The following PRKD1 variants were observed in gnomAD, a reference collection of about 807,000 sequenced individuals.
PRKD1 encodes the protein protein kinase D1.
PRKD1 carries 63 observed loss-of-function variants against 95.9 expected under a neutral mutation model. That is an observed-to-expected ratio of 0.66 (90% CI 0.54 to 0.81). PRKD1 has a LOEUF of 0.81. PRKD1 is among the 30% of genes least tolerant of loss of function. PRKD1 has a pLI of 0.00. For missense variants in PRKD1, 1,048 were observed against 1,165.3 expected (o/e 0.90, Z 1.47); for synonymous variants, 425 against 423.1 (o/e 1.00, Z -0.05).
At chr14:29,911,025 A>C (rs1255357472) in intron 1 of PRKD1, among the ~76,000 whole-genome samples, 2 of 152,218 alleles carry the variant, frequency 1.3e-5, no homozygotes, top group African/African-American at 2.4e-5. Context: ...TAAGAGAATC[A>C]AAACCATAAT....
chr14:29,652,919 C>T (rs993180469), intron 4 of PRKD1: 1 of 152,154 alleles, frequency 6.6e-6, no homozygotes, highest in Non-Finnish European at 1.5e-5. Context: ...AAAGAAACTA[C>T]TTTGACTATT....
At chr14:29,828,525 T>C (rs1350901303) in intron 1 of PRKD1, among the ~76,000 whole-genome samples, 1 of 152,050 alleles carries the variant, frequency 6.6e-6, no homozygotes, top group Non-Finnish European at 1.5e-5. Flanking sequence ...CCAAACCATA[T>C]CAATATTCTA....
intron 2 of PRKD1, among the ~76,000 whole-genome samples, chr14:29,680,104 G>C (rs569062280): frequency 6.6e-6 from 1 of 152,256 alleles, no homozygotes; most frequent in African/African-American, 2.4e-5. Flanking sequence ...GACAACTTTA[G>C]TATTTCAAGT....
At chr14:29,889,656 G>GC (rs1256304493) in intron 1 of PRKD1, among the ~76,000 whole-genome samples, 2 of 152,170 alleles carry the variant, frequency 1.3e-5, no homozygotes, top group Non-Finnish European at 2.9e-5. Flanking sequence ...ACCAAACACT[G>GC]CATGTTCTCA....
chr14:29,644,434 C>G (rs1045721525), intron 4 of PRKD1, among the ~76,000 whole-genome samples: 2 of 152,164 alleles, frequency 1.3e-5, no homozygotes, highest in African/African-American at 4.8e-5. Context: ...TTGGAGAGGA[C>G]AGCGTCACTG....
At chr14:29,662,092 T>G (rs1594405932) in intron 4 of PRKD1, among the ~76,000 whole-genome samples, 1 of 152,292 alleles carries the variant, frequency 6.6e-6, no homozygotes, top group East Asian at 1.9e-4. Context: ...TTGCTTTAAG[T>G]TGGTTTAAAA....
intron 2 of PRKD1, among the ~76,000 whole-genome samples, chr14:29,690,668 C>G (rs1884177793): frequency 6.6e-6 from 1 of 152,172 alleles, no homozygotes; most frequent in African/African-American, 2.4e-5. Flanking sequence ...CGGCATGACC[C>G]TTTATGTAAT....
intron 13 of PRKD1, among the ~76,000 whole-genome samples, chr14:29,600,694 C>A (rs1040085167): frequency 2.6e-5 from 4 of 152,084 alleles, no homozygotes; most frequent in Non-Finnish European, 5.9e-5. Context: ...AAATCCCATG[C>A]GGATACCAAG....
intron 1 of PRKD1, among the ~76,000 whole-genome samples, chr14:29,862,925 T>C (rs893716243): frequency 1.3e-5 from 2 of 152,182 alleles, no homozygotes; most frequent in African/African-American, 2.4e-5. Context: ...TATTACTCAA[T>C]AAATCTTTGC....
chr14:29,637,821 C>A (rs1356694614), intron 6 of PRKD1, among the ~76,000 whole-genome samples: 1 of 152,168 alleles, frequency 6.6e-6, no homozygotes, highest in Non-Finnish European at 1.5e-5. Flanking sequence ...TATCTGTGAT[C>A]TTTTACAGCC....
rs1184807293 is a variant in PRKD1, at chr14:29,849,575, AAC to A, written c.264+77672_264+77673del. Among the ~76,000 whole-genome samples, 60 of 140,450 alleles carry A rather than the reference AAC, an allele frequency of 4.3e-4. No homozygotes were observed. The South Asian group carries it at 7.8e-3, about 18-fold the overall frequency. The allele number at this position is 140,450 out of a possible 152,430, so 92.1% of individuals were successfully genotyped here. A position where few individuals can be genotyped will look rare whatever the true frequency, so the allele number is the denominator to read the frequency against. ...GAAGTAAAACAACAACAACAACAAC[AAC>A]AAAAAAAAAACTACCAATCAGAAAA... On this transcript the variant is annotated intron_variant, in intron 1 of 17. Transcript: ENST00000331968.
chr14:29,600,402 T>C (rs890894107), intron 13 of PRKD1, among the ~76,000 whole-genome samples: 23 of 152,286 alleles, frequency 1.5e-4, no homozygotes, highest in African/African-American at 5.5e-4. Context: ...TCCTACCTGC[T>C]TGGTTTTCAA....
Position 29,927,374 on chromosome 14 carries a change from C to A in PRKD1, c.139G>T (p.Gly47Trp). 6.4e-7 allele frequency: 1 copy of A among 1,557,710 alleles called. No homozygotes were observed. Among genetic ancestry groups the A allele is most frequent in the Non-Finnish European group, 8.7e-7 (1 of 1,154,856 alleles). Residue 47 changes from glycine (G) to tryptophan (W), a missense_variant, in exon 1 of 18, where the codon GGG becomes TGG. By Grantham distance (184) the Gly-to-Trp change is radical. Transcript: ENST00000331968. The stretch of plus-strand genomic sequence containing the variant: ...ATCTGCAGATGGAACGAGATGCCCC[C>A]GACCGGGGCCGCGACAGGAGCCAAG... Reference protein sequence around the residue: ...PFLAPVAAPVGGISFHLQIGL... With the variant: ...PFLAPVAAPVWGISFHLQIGL...
intron 1 of PRKD1, among the ~76,000 whole-genome samples, chr14:29,908,363 A>G (rs903176628): frequency 6.6e-6 from 1 of 152,172 alleles, no homozygotes. Context: ...ATGGCATGAT[A>G]GCTCAACGCG....
Position 29,577,333 on chromosome 14 carries a change from T to TG in PRKD1, c.2643dup (p.Thr882HisfsTer9). ...CTAGCACTTGGATTGATCAGGTGTG[T>TG]GGGGTACTGCAGCCCCTGCTCGCCT... is the stretch of plus-strand genomic sequence containing the variant. On this transcript the variant is annotated frameshift_variant, in exon 18 of 18. Coordinates refer to ENST00000331968, the MANE Select transcript of PRKD1 (RefSeq NM_002742.3). LOFTEE classifies it high-confidence loss of function. The TG allele has an allele frequency of 6.2e-7, 1 of 1,613,856 alleles. No individual in the cohort carries two copies. Among genetic ancestry groups the TG allele is most frequent in the Non-Finnish European group, 8.5e-7 (1 of 1,179,842 alleles).
In PRKD1 at chr14:29,634,759, T is replaced by C. The variant is rs1267672397; in HGVS notation, c.1191-218A>G. Among the ~76,000 whole-genome samples, 2 of 152,012 alleles carry C rather than the reference T, an allele frequency of 1.3e-5. 1 individual carries two copies. The highest frequency in any genetic ancestry group is 6.8e-3 in the Middle Eastern group (2 of 294). Reference sequence around the variant, plus strand: ...TACACCTTAAAAAATCCTGGCCGGGTGCAGTGACTCACATCTGTAATCCCA... The same window carrying C: ...TACACCTTAAAAAATCCTGGCCGGGCGCAGTGACTCACATCTGTAATCCCA... On this transcript the variant is annotated intron_variant, in intron 7 of 17. Coordinates refer to ENST00000331968, the MANE Select transcript of PRKD1 (RefSeq NM_002742.3).
rs573946010 is a variant in PRKD1, at chr14:29,897,612, G to A, written c.264+29637C>T. On this transcript the variant is annotated intron_variant, in intron 1 of 17. Coordinates refer to ENST00000331968, the MANE Select transcript of PRKD1 (RefSeq NM_002742.3). ...AGAATGAGAAAAATTCCAAACTCACGGAATTTTTATAAAGATAAAAGGATA... is the reference window on the plus strand; with the variant it reads ...AGAATGAGAAAAATTCCAAACTCACAGAATTTTTATAAAGATAAAAGGATA... Among the ~76,000 whole-genome samples the A allele has an allele frequency of 6.6e-5, 10 of 152,110 alleles. No individual in the cohort carries two copies. In the South Asian group the frequency reaches 1.2e-3, roughly 19 times the overall value.
At chr14:29,877,409 C>G (rs1893340629) in intron 1 of PRKD1, among the ~76,000 whole-genome samples, 1 of 152,168 alleles carries the variant, frequency 6.6e-6, no homozygotes, top group South Asian at 2.1e-4. Flanking sequence ...CAGATGCATA[C>G]TTTGCAAATA....
At chr14:29,681,994 T>C (rs970089640) in intron 2 of PRKD1, among the ~76,000 whole-genome samples, 5 of 152,180 alleles carry the variant, frequency 3.3e-5, no homozygotes, top group Non-Finnish European at 7.3e-5. Flanking sequence ...ACACTACCAA[T>C]GACATTTTCC....
Sources: allele counts gnomAD v4.1 joint callset (sites outside exome capture counted in the v4.1 genomes callset), GRCh38; gene constraint gnomAD v4.1.1; transcripts MANE v1.5; gene names NCBI Gene and HGNC (gene_info 2026-07-23, HGNC 2026-07-21).